EPHX2: variants seen among roughly 807,000 people sequenced by gnomAD.
EPHX2 encodes bifunctional epoxide hydrolase 2.
In EPHX2, 74 loss-of-function variants were observed where a neutral mutation model predicts 78.7. The observed-to-expected ratio is 0.94, with a 90% confidence interval of 0.78 to 1.14. The LOEUF (loss-of-function observed/expected upper bound fraction) is 1.14. Ranked by LOEUF, EPHX2 falls within the 50% of genes most tolerant of loss-of-function variation. The probability of loss-of-function intolerance (pLI) is 0.00; values close to 1 mark genes in which losing one functional copy is unlikely to be tolerated. For synonymous variants in EPHX2, 251 were observed against 255.2 expected, an observed-to-expected ratio of 0.98 and a Z score of 0.16; for missense variants, 715 against 702.5, an observed-to-expected ratio of 1.02 and a Z score of -0.20.
intron 6 of EPHX2, among the ~76,000 whole-genome samples, chr8:27,514,908 C>T (rs2132742911): frequency 6.6e-6 from 1 of 152,250 alleles, no homozygotes; most frequent in African/African-American, 2.4e-5. Context: ...ACACCCGTAG[C>T]CCCCAAAAAG....
intron 3 of EPHX2, 89 bp downstream of exon 3, chr8:27,503,852 A>G: frequency 5.5e-6 from 8 of 1,451,836 alleles, no homozygotes; most frequent in Non-Finnish European, 4.6e-6. Context: ...GAGCTTTGAG[A>G]TCACAGATCT....
At position 27,544,438 on chromosome 8, in the gene EPHX2, C is replaced by T. The variant is rs1225073465; in HGVS notation, c.1590-6C>T. 6.2e-7 allele frequency: 1 copy of T among 1,614,090 alleles called. No homozygotes were observed. Among genetic ancestry groups the T allele is most frequent in the East Asian group, 2.2e-5 (1 of 44,870 alleles). On this transcript the variant is annotated splice_region_variant and splice_polypyrimidine_tract_variant and intron_variant, in intron 18 of 18. Transcript: ENST00000521400. ...TTTTTTTCTTTTACTTCTCCCTTTCCCCCAGGCCAACCGAGGTGAATCAGA... is the reference window on the plus strand; with the variant it reads ...TTTTTTTCTTTTACTTCTCCCTTTCTCCCAGGCCAACCGAGGTGAATCAGA...
chr8:27,536,795 G>C lies in EPHX2; in HGVS notation c.1182G>C (p.Glu394Asp). 1 of 1,613,804 alleles carries C rather than the reference G, an allele frequency of 6.2e-7. No individual in the cohort carries two copies. Among genetic ancestry groups the C allele is most frequent in the Non-Finnish European group, 8.5e-7 (1 of 1,179,928 alleles). ...QLYFQEPGVAEAELEQNLSRT... is the reference protein window; with the variant it reads ...QLYFQEPGVADAELEQNLSRT... ...CTTGATTGTTTTAGGGAGTGGCTGA[G>C]GCTGAACTGGAACAGAACCTGAGTC... The change falls in exon 13 of 19, where the codon GAG becomes GAC. Residue 394 changes from glutamate (E) to aspartate (D), a missense_variant. Transcript: ENST00000521400.
At chr8:27,525,332 G>C in intron 11 of EPHX2, 30 bp from the exon 12 acceptor site, 4 of 1,595,802 alleles carry the variant, frequency 2.5e-6, no homozygotes, top group African/African-American at 1.3e-5. Flanking sequence ...TCTTACAGGG[G>C]CTATGTCTTG....
At chr8:27,512,091 C>A in intron 6 of EPHX2, 181 bp downstream of exon 6, 1 of 377,328 alleles carries the variant, frequency 2.7e-6, no homozygotes, top group Non-Finnish European at 4.7e-6. Flanking sequence ...GAGTGAAACC[C>A]TGTCTCAAGA....
At chr8:27,497,791 G>C (rs1392158619) in intron 1 of EPHX2, among the ~76,000 whole-genome samples, 1 of 152,168 alleles carries the variant, frequency 6.6e-6, no homozygotes, top group Non-Finnish European at 1.5e-5. Flanking sequence ...TAATTCATGG[G>C]CTTTTTCCTA....
chr8:27,547,614 G>A (rs1815596553), downstream of EPHX2, among the ~76,000 whole-genome samples: 1 of 152,252 alleles, frequency 6.6e-6, no homozygotes, highest in African/African-American at 2.4e-5. Context: ...ATTGTTGACT[G>A]TAGTCATTGC....
intron 9 of EPHX2, among the ~76,000 whole-genome samples, 189 bp from the exon 10 acceptor site, chr8:27,520,693 AC>A (rs1310825336): frequency 1.3e-5 from 2 of 152,042 alleles, no homozygotes; most frequent in Non-Finnish European, 2.9e-5. Flanking sequence ...ATTAGGGCTC[AC>A]CCATATGGCC....
At chr8:27,517,990 A>AT in intron 8 of EPHX2, 48 bp from the exon 9 acceptor site, 2 of 1,476,848 alleles carry the variant, frequency 1.4e-6, no homozygotes, top group Non-Finnish European at 1.9e-6. Flanking sequence ...GTGTTGATAT[A>AT]TTTTAAGTAA....
chr8:27,518,914 A>G (rs1479114037), intron 9 of EPHX2, among the ~76,000 whole-genome samples: 1 of 152,066 alleles, frequency 6.6e-6, no homozygotes, highest in Non-Finnish European at 1.5e-5. Context: ...CTCACCAGTG[A>G]CCCCAGGAGC....
intron 3 of EPHX2, among the ~76,000 whole-genome samples, chr8:27,504,676 A>G (rs1002904582): frequency 1.3e-5 from 2 of 152,170 alleles, no homozygotes; most frequent in Admixed American, 6.5e-5. Flanking sequence ...TGATGAATGT[A>G]TAAGTGCTGC....
At chr8:27,522,962 CAAAAAAAAAAAA>C (rs539360462) in intron 11 of EPHX2, among the ~76,000 whole-genome samples, 1 of 62,682 alleles carries the variant, frequency 1.6e-5, no homozygotes, top group Non-Finnish European at 3.0e-5. Context: ...ACTCCGTTTC[CAAAAAAAAAAAA>C]AAAAAAAAAA....
intron 9 of EPHX2, among the ~76,000 whole-genome samples, chr8:27,518,504 A>T (rs1356488497): frequency 6.6e-6 from 1 of 152,238 alleles, no homozygotes; most frequent in African/African-American, 2.4e-5. Context: ...TGTAAGCACC[A>T]TCCTGGAGAG....
intron 2 of EPHX2, 116 bp downstream of exon 2, chr8:27,501,126 A>G: frequency 1.2e-6 from 1 of 826,728 alleles, no homozygotes; most frequent in Non-Finnish European, 1.9e-6. Context: ...TGTGAAGACA[A>G]ATGTTGTTTT....
intron 1 of EPHX2, among the ~76,000 whole-genome samples, chr8:27,495,005 A>G (rs1813522796): frequency 6.6e-6 from 1 of 152,170 alleles, no homozygotes. Context: ...CCTGGCAGCA[A>G]TTTTGGCCTC....
chr8:27,495,070 T>C (rs1241119021), intron 1 of EPHX2, among the ~76,000 whole-genome samples: 1 of 152,270 alleles, frequency 6.6e-6, no homozygotes, highest in South Asian at 2.1e-4. Context: ...TTGATGGCTT[T>C]GGCAGTGTAA....
intron 2 of EPHX2, among the ~76,000 whole-genome samples, chr8:27,501,360 C>CT (rs1554519522): frequency 3.1e-5 from 4 of 127,446 alleles, no homozygotes; most frequent in African/African-American, 1.3e-4. Context: ...TCTTCTTCTT[C>CT]TTCTTCTTCT....
chr8:27,508,398 T>A (rs1339626798), intron 5 of EPHX2, among the ~76,000 whole-genome samples: 2 of 152,194 alleles, frequency 1.3e-5, no homozygotes. Context: ...GATTTTTTTG[T>A]CTTTAGTGAA....
At chr8:27,503,571 C>CA in intron 2 of EPHX2, 33 bp from the exon 3 acceptor site, 7 of 1,578,088 alleles carry the variant, frequency 4.4e-6, no homozygotes, top group Non-Finnish European at 6.0e-6. Context: ...TCTGAGTGGC[C>CA]ATACAAATTG....
Sources: allele counts gnomAD v4.1 joint callset (sites outside exome capture counted in the v4.1 genomes callset), GRCh38; gene constraint gnomAD v4.1.1; transcripts MANE v1.5; gene names NCBI Gene and HGNC (gene_info 2026-07-23, HGNC 2026-07-21).